The following PALM2AKAP2 variants were observed in gnomAD, a reference collection of about 807,000 sequenced individuals.
The protein encoded by PALM2AKAP2 is PALM2 and AKAP2 fusion.
Under a neutral mutation model 71.5 loss-of-function variants are expected in PALM2AKAP2, and 37 were observed. That is an observed-to-expected ratio of 0.52 (90% CI 0.40 to 0.68). PALM2AKAP2 has a LOEUF of 0.68. Among genes scored for constraint, PALM2AKAP2 ranks in the 30% least tolerant of loss-of-function variants. The probability of loss-of-function intolerance (pLI) is 0.00; values close to 1 mark genes in which losing one functional copy is unlikely to be tolerated. For synonymous variants in PALM2AKAP2, 468 were observed against 478.8 expected (o/e 0.98, Z 0.29); for missense variants, 1,224 against 1,191.8 (o/e 1.03, Z -0.40).
chr9:110,028,866 G>A (rs1833228794), intron 7 of PALM2AKAP2, among the ~76,000 whole-genome samples: 1 of 150,302 alleles, frequency 6.7e-6, no homozygotes, highest in African/African-American at 2.5e-5. Context: ...CAAGAGGAGT[G>A]TTGCAAAGGA....
chr9:110,044,190 T>A (rs1284902466), upstream of PALM2AKAP2, among the ~76,000 whole-genome samples: 2 of 152,048 alleles, frequency 1.3e-5, no homozygotes, highest in African/African-American at 4.8e-5. Flanking sequence ...CCCATGAGGA[T>A]CCCCCTGGGC....
chr9:110,164,438 G>T (rs988661349), intron 3 of PALM2AKAP2, among the ~76,000 whole-genome samples: 1 of 151,998 alleles, frequency 6.6e-6, no homozygotes, highest in African/African-American at 2.4e-5. Context: ...AATATTAAAG[G>T]GTTGTTGAGA....
At chr9:109,841,411 A>T (rs1828670007) in intron 1 of PALM2AKAP2, among the ~76,000 whole-genome samples, 2 of 147,010 alleles carry the variant, frequency 1.4e-5, no homozygotes, top group Admixed American at 6.9e-5. Context: ...GATATACCTA[A>T]TGTAAATGAT....
intron 1 of PALM2AKAP2, among the ~76,000 whole-genome samples, chr9:109,678,024 T>C (rs1012951090): frequency 1.3e-5 from 2 of 152,182 alleles, no homozygotes; most frequent in Non-Finnish European, 2.9e-5. Context: ...AGCTTGTTAG[T>C]GGCCTGAGCA....
At chr9:109,727,190 T>C (rs1383708278) in intron 1 of PALM2AKAP2, among the ~76,000 whole-genome samples, 2 of 152,242 alleles carry the variant, frequency 1.3e-5, no homozygotes, top group Non-Finnish European at 2.9e-5. Flanking sequence ...CTTTCTTTCC[T>C]TGCCAGGACT....
At chr9:109,739,321 G>A (rs773253610) in intron 1 of PALM2AKAP2, among the ~76,000 whole-genome samples, 12 of 152,144 alleles carry the variant, frequency 7.9e-5, no homozygotes, top group South Asian at 2.1e-4. Context: ...ATGGGGAAAC[G>A]GAAGTGTGGC....
intron 7 of PALM2AKAP2, among the ~76,000 whole-genome samples, chr9:110,037,394 C>G (rs773037915): frequency 7.9e-5 from 12 of 152,072 alleles, no homozygotes; most frequent in Admixed American, 6.6e-5. Context: ...TTAGTAGGGA[C>G]GGGGTTACTC....
chr9:110,012,181 T>C (rs1297362577), intron 6 of PALM2AKAP2, among the ~76,000 whole-genome samples: 4 of 151,940 alleles, frequency 2.6e-5, no homozygotes, highest in African/African-American at 9.7e-5. Flanking sequence ...TAATCCCAGC[T>C]ACTTGGGAGG....
At chr9:109,775,621 A>T (rs1829338847), upstream of PALM2AKAP2, among the ~76,000 whole-genome samples, 1 of 152,250 alleles carries the variant, frequency 6.6e-6, no homozygotes, top group African/African-American at 2.4e-5. Flanking sequence ...TAACACAAAT[A>T]TAAACATTTG....
intron 3 of PALM2AKAP2, among the ~76,000 whole-genome samples, chr9:109,902,034 G>A (rs959218236): frequency 2.0e-5 from 3 of 151,994 alleles, no homozygotes; most frequent in African/African-American, 4.8e-5. Context: ...CACAGATTAG[G>A]GTTTCTCTTT....
chr9:110,097,896 C>T (rs1233362683), intron 1 of PALM2AKAP2, among the ~76,000 whole-genome samples: 4 of 140,630 alleles, frequency 2.8e-5, no homozygotes, highest in Non-Finnish European at 4.5e-5. Flanking sequence ...AAGGAGACTC[C>T]GTCTGCAATC....
intron 3 of PALM2AKAP2, among the ~76,000 whole-genome samples, chr9:109,916,640 G>A (rs1200122644): frequency 6.6e-6 from 1 of 152,144 alleles, no homozygotes; most frequent in Non-Finnish European, 1.5e-5. Context: ...ATCCTTCAAG[G>A]CCCAGTTAAT....
intron 3 of PALM2AKAP2, among the ~76,000 whole-genome samples, chr9:109,885,261 G>A (rs1262314008): frequency 6.6e-6 from 1 of 152,166 alleles, no homozygotes; most frequent in Non-Finnish European, 1.5e-5. Flanking sequence ...ATTATTATAT[G>A]TGGTGCTTAG....
intron 1 of PALM2AKAP2, among the ~76,000 whole-genome samples, chr9:110,098,820 C>T (rs898485949): frequency 1.3e-5 from 2 of 152,228 alleles, no homozygotes; most frequent in Non-Finnish European, 2.9e-5. Context: ...CAGGTATTCT[C>T]ATTTCCACGC....
At chr9:109,989,642 G>C (rs1201789497) in intron 6 of PALM2AKAP2, among the ~76,000 whole-genome samples, 1 of 152,210 alleles carries the variant, frequency 6.6e-6, no homozygotes, top group Non-Finnish European at 1.5e-5. Flanking sequence ...TCTCAGGAGT[G>C]TTTGCTGCTG....
At chr9:109,876,877 T>G (rs1829734012) in intron 2 of PALM2AKAP2, among the ~76,000 whole-genome samples, 1 of 152,136 alleles carries the variant, frequency 6.6e-6, no homozygotes, top group African/African-American at 2.4e-5. Flanking sequence ...GAGATGGAAG[T>G]AGAGGGACAT....
intron 1 of PALM2AKAP2, among the ~76,000 whole-genome samples, chr9:110,116,051 G>T (rs1835354293): frequency 6.6e-6 from 1 of 152,174 alleles, no homozygotes; most frequent in African/African-American, 2.4e-5. Flanking sequence ...GACCTGTTCT[G>T]TTCCCTGGAC....
At chr9:109,803,516 G>A (rs1361572478) in intron 1 of PALM2AKAP2, among the ~76,000 whole-genome samples, 1 of 152,202 alleles carries the variant, frequency 6.6e-6, no homozygotes, top group East Asian at 1.9e-4. Flanking sequence ...GTCTACCTTG[G>A]AGATGCATTT....
In PALM2AKAP2 at chr9:109,699,219, G is replaced by A. The variant is rs114056292; in HGVS notation, c.5+58353G>A. 6.5e-3 allele frequency among the ~76,000 whole-genome samples: 987 copies of A among 152,298 alleles called. 17 individuals carry two copies. Among genetic ancestry groups the A allele is most frequent in the African/African-American group, 0.022 (932 of 41,558 alleles). On this transcript the variant is annotated intron_variant, in intron 1 of 6. Transcript: ENST00000374531. ...TTTTCACCCACTGAACTGGCAAAAT[G>A]TTGTAACTGTATTACCTTATGAAGC... is the stretch of plus-strand genomic sequence containing the variant.
Sources: allele counts gnomAD v4.1 joint callset (sites outside exome capture counted in the v4.1 genomes callset), GRCh38; gene constraint gnomAD v4.1.1; transcripts MANE v1.5; gene names NCBI Gene and HGNC (gene_info 2026-07-23, HGNC 2026-07-21).